Variants in MRTFA observed in about 807,000 individuals in gnomAD.
MRTFA encodes myocardin-related transcription factor A.
A neutral mutation model predicts 83.5 loss-of-function variants in MRTFA; 20 were observed. That is an observed-to-expected ratio of 0.24 (90% CI 0.17 to 0.35). The LOEUF (loss-of-function observed/expected upper bound fraction) is 0.35. Among genes scored for constraint, MRTFA ranks in the 10% least tolerant of loss-of-function variants. The pLI is 1.00. For missense variants in MRTFA, 1,200 were observed against 1,224.7 expected (o/e 0.98, Z 0.30); for synonymous variants, 659 against 541.2 (o/e 1.22, Z -3.02).
At chr22:40,418,235 A>AC in intron 12 of MRTFA, 139 bp downstream of exon 12, 1 of 1,450,678 alleles carries the variant, frequency 6.9e-7, no homozygotes, top group Non-Finnish European at 9.1e-7. Flanking sequence ...AAGTCTCAGT[A>AC]CCCCCCTGGT....
At chr22:40,471,207 C>T (rs1294859947) in intron 3 of MRTFA, among the ~76,000 whole-genome samples, 2 of 128,652 alleles carry the variant, frequency 1.6e-5, no homozygotes, top group Admixed American at 8.7e-5. Context: ...CATGACAAAG[C>T]CCTGTTTCTA....
chr22:40,553,322 G>A (rs866888776), intron 2 of MRTFA, among the ~76,000 whole-genome samples: 1 of 152,164 alleles, frequency 6.6e-6, no homozygotes, highest in African/African-American at 2.4e-5. Context: ...TGGGGAAAAC[G>A]TCTCCAGGGC....
chr22:40,448,246 G>C (rs1359323038), intron 4 of MRTFA, among the ~76,000 whole-genome samples: 1 of 152,196 alleles, frequency 6.6e-6, no homozygotes, highest in Non-Finnish European at 1.5e-5. Flanking sequence ...GGTAGCGGAG[G>C]TTGCAGCGAG....
chr22:40,492,815 C>T (rs982358117), intron 3 of MRTFA, among the ~76,000 whole-genome samples: 1 of 152,070 alleles, frequency 6.6e-6, no homozygotes, highest in Non-Finnish European at 1.5e-5. Context: ...GATGTGGGAA[C>T]CATAAACGTA....
At chr22:40,511,263 T>C (rs958099384) in intron 3 of MRTFA, among the ~76,000 whole-genome samples, 1 of 152,062 alleles carries the variant, frequency 6.6e-6, no homozygotes, top group Non-Finnish European at 1.5e-5. Context: ...CAAATAGATA[T>C]GACAAGTACA....
At chr22:40,561,019 A>G (rs1485157748) in intron 2 of MRTFA, among the ~76,000 whole-genome samples, 1 of 152,180 alleles carries the variant, frequency 6.6e-6, no homozygotes, top group Non-Finnish European at 1.5e-5. Flanking sequence ...TTTTTTTTAA[A>G]CAATTGGTAA....
chr22:40,530,580 C>T (rs921279360), intron 3 of MRTFA, among the ~76,000 whole-genome samples: 4 of 152,178 alleles, frequency 2.6e-5, no homozygotes, highest in African/African-American at 7.2e-5. Flanking sequence ...TACAGGCGTG[C>T]GCCACCGCGC....
At chr22:40,536,166 G>A (rs1439042966) in intron 3 of MRTFA, among the ~76,000 whole-genome samples, 2 of 151,452 alleles carry the variant, frequency 1.3e-5, no homozygotes. Flanking sequence ...AGCCAGGTAT[G>A]GTGATGCCTG....
chr22:40,477,346 T>A (rs1279231490), intron 3 of MRTFA, among the ~76,000 whole-genome samples: 1 of 151,486 alleles, frequency 6.6e-6, no homozygotes, highest in Non-Finnish European at 1.5e-5. Context: ...TGAGACTCGG[T>A]CTCAAAATAA....
intron 3 of MRTFA, among the ~76,000 whole-genome samples, chr22:40,500,546 C>A (rs1351771751): frequency 6.7e-6 from 1 of 149,840 alleles, no homozygotes; most frequent in African/African-American, 2.4e-5. Context: ...TGCAGCCTTC[C>A]GCAGTGTTTG....
chr22:40,601,472 G>T (rs1602482677), intron 1 of MRTFA, among the ~76,000 whole-genome samples: 1 of 152,144 alleles, frequency 6.6e-6, no homozygotes, highest in African/African-American at 2.4e-5. Context: ...ACCTCCTAAA[G>T]TGCTGGGATT....
chr22:40,437,846 A>G (rs2053201446), intron 4 of MRTFA, among the ~76,000 whole-genome samples: 1 of 151,716 alleles, frequency 6.6e-6, no homozygotes, highest in African/African-American at 2.4e-5. Context: ...ACATGTCCCC[A>G]TCAGAGCACA....
At chr22:40,596,303 G>C (rs762535901) in intron 1 of MRTFA, among the ~76,000 whole-genome samples, 1 of 152,146 alleles carries the variant, frequency 6.6e-6, no homozygotes, top group South Asian at 2.1e-4. Flanking sequence ...TTAGAGGTTT[G>C]ACTGTTATCA....
intron 3 of MRTFA, among the ~76,000 whole-genome samples, chr22:40,537,012 TGG>T (rs1198766025): frequency 1.9e-4 from 7 of 37,346 alleles, no homozygotes; most frequent in African/African-American, 6.5e-4. Context: ...GGGAGGGAGG[TGG>T]GGGGGGGTCA....
intron 13 of MRTFA, 26 bp from the exon 14 acceptor site, chr22:40,417,072 A>G (rs1424137486): frequency 1.9e-6 from 3 of 1,553,528 alleles, no homozygotes; most frequent in East Asian, 4.7e-5. Flanking sequence ...AAAAAAAAAA[A>G]GAGATAAAAA....
At chr22:40,480,783 T>C (rs908464523) in intron 3 of MRTFA, among the ~76,000 whole-genome samples, 2 of 138,030 alleles carry the variant, frequency 1.4e-5, no homozygotes, top group African/African-American at 5.7e-5. Flanking sequence ...AGAATCTTGC[T>C]CTGTCACCAG....
intron 2 of MRTFA, among the ~76,000 whole-genome samples, chr22:40,590,352 A>G (rs948800071): frequency 1.3e-4 from 20 of 152,050 alleles, no homozygotes; most frequent in African/African-American, 4.6e-4. Context: ...GAGACAAACC[A>G]ACATGGTAGG....
At chr22:40,517,462 T>C (rs148235640) in intron 3 of MRTFA, among the ~76,000 whole-genome samples, 2 of 152,050 alleles carry the variant, frequency 1.3e-5, no homozygotes, top group African/African-American at 2.4e-5. Flanking sequence ...CAATATAGTA[T>C]AGTGGTAAAG....
chr22:40,506,042 G>A (rs1047117414), intron 3 of MRTFA, among the ~76,000 whole-genome samples: 1 of 152,078 alleles, frequency 6.6e-6, no homozygotes, highest in Non-Finnish European at 1.5e-5. Flanking sequence ...GACCATCCTG[G>A]CTAACACGGT....
Sources: allele counts gnomAD v4.1 joint callset (sites outside exome capture counted in the v4.1 genomes callset), GRCh38; gene constraint gnomAD v4.1.1; transcripts MANE v1.5; gene names NCBI Gene and HGNC (gene_info 2026-07-23, HGNC 2026-07-21).